SLC41A2: variants seen among roughly 807,000 people sequenced by gnomAD.
SLC41A2 encodes the protein solute carrier family 41 member 2.
Under a neutral mutation model 58.3 loss-of-function variants are expected in SLC41A2, and 32 were observed. That is an observed-to-expected ratio of 0.55 (90% CI 0.41 to 0.74). SLC41A2 has a LOEUF of 0.74. Ranked by LOEUF, SLC41A2 falls within the 30% of genes least tolerant of loss-of-function variation. SLC41A2 has a pLI of 0.00. For synonymous variants in SLC41A2, 190 were observed against 235.0 expected (o/e 0.81, Z 1.75); for missense variants, 514 against 680.6 (o/e 0.76, Z 2.72).
intron 10 of SLC41A2, among the ~76,000 whole-genome samples, chr12:104,842,255 G>A (rs1481961101): frequency 6.6e-6 from 1 of 152,024 alleles, no homozygotes; most frequent in Admixed American, 6.6e-5. Flanking sequence ...GTGTATGCTA[G>A]TGTCAGAACA....
At chr12:104,848,619 T>C (rs1565838023) in intron 8 of SLC41A2, among the ~76,000 whole-genome samples, 1 of 152,052 alleles carries the variant, frequency 6.6e-6, no homozygotes, top group South Asian at 2.1e-4. Context: ...AAGGATAATA[T>C]AGGAATATCA....
chr12:104,927,933 C>A (rs1369164342), intron 2 of SLC41A2, 40 bp downstream of exon 2: 9 of 1,500,060 alleles, frequency 6.0e-6, no homozygotes, highest in Non-Finnish European at 8.0e-6. Flanking sequence ...AATGGAATAA[C>A]AAAAAAAGAC....
At chr12:104,893,504 G>A (rs1161803610) in intron 4 of SLC41A2, among the ~76,000 whole-genome samples, 2 of 152,182 alleles carry the variant, frequency 1.3e-5, no homozygotes, top group East Asian at 1.9e-4. Context: ...CTACTGCTGA[G>A]TATATAATCC....
intron 10 of SLC41A2, 33 bp downstream of exon 10, chr12:104,844,439 A>G: frequency 7.4e-7 from 1 of 1,352,432 alleles, no homozygotes; most frequent in Non-Finnish European, 9.7e-7. Context: ...CAGTCTCAGC[A>G]TAAAAGAGAT....
chr12:104,903,296 C>A (rs931722962), intron 3 of SLC41A2, among the ~76,000 whole-genome samples: 3 of 152,206 alleles, frequency 2.0e-5, no homozygotes, highest in African/African-American at 7.2e-5. Context: ...CACATTAACT[C>A]CTCTGTTTAA....
chr12:104,940,518 AAT>A (rs1472665581), intron 1 of SLC41A2, among the ~76,000 whole-genome samples: 1 of 106,644 alleles, frequency 9.4e-6, no homozygotes. Context: ...AAAATAAAAA[AAT>A]AAAATATAAG....
At chr12:104,863,893 A>G (rs779722583) in intron 7 of SLC41A2, among the ~76,000 whole-genome samples, 1 of 151,198 alleles carries the variant, frequency 6.6e-6, no homozygotes, top group Admixed American at 6.6e-5. Flanking sequence ...TACTAATTCA[A>G]CCTCACATGT....
chr12:104,955,904 G>A (rs1376486496), intron 1 of SLC41A2, among the ~76,000 whole-genome samples: 1 of 152,092 alleles, frequency 6.6e-6, no homozygotes, highest in African/African-American at 2.4e-5. Context: ...ACCCACACAT[G>A]AACATAATTG....
At chr12:104,955,978 CAT>C (rs1351156275) in intron 1 of SLC41A2, among the ~76,000 whole-genome samples, 5 of 152,174 alleles carry the variant, frequency 3.3e-5, no homozygotes, top group African/African-American at 4.8e-5. Flanking sequence ...AGAAGTTAAA[CAT>C]AAATTTTTGA....
intron 2 of SLC41A2, among the ~76,000 whole-genome samples, chr12:104,918,018 G>C (rs2046409819): frequency 6.8e-6 from 1 of 147,454 alleles, no homozygotes. Flanking sequence ...TATATAAAAA[G>C]AAAATAAACC....
At position 104,866,375 on chromosome 12, in the gene SLC41A2, CA is replaced by C; in HGVS notation, c.1175+56del. The C allele has an allele frequency of 4.9e-6, 7 of 1,429,902 alleles. No individual in the cohort carries two copies. The South Asian group carries it at 6.4e-5, about 13-fold the overall frequency. The allele number at this position is 1,429,902 out of a possible 1,614,324, so 88.6% of individuals were successfully genotyped here. A position where few individuals can be genotyped will look rare whatever the true frequency, so the allele number is the denominator to read the frequency against. On this transcript the variant is annotated intron_variant, in intron 7 of 10. Transcript: ENST00000258538. ...CTTATAGAAGACACACAAAGACAGA[CA>C]GACGTACACACACACACACACACAC...
At chr12:104,897,021 T>G (rs769150821) in intron 3 of SLC41A2, among the ~76,000 whole-genome samples, 6 of 152,126 alleles carry the variant, frequency 3.9e-5, no homozygotes, top group Non-Finnish European at 8.8e-5. Flanking sequence ...CCACAGATCG[T>G]CATTTCTCCA....
At chr12:104,929,294 T>C (rs998552172) in intron 1 of SLC41A2, among the ~76,000 whole-genome samples, 10 of 152,200 alleles carry the variant, frequency 6.6e-5, no homozygotes, top group African/African-American at 2.4e-4. Context: ...TTTGTAGTTC[T>C]GAGATATAAA....
chr12:104,887,043 T>G (rs1353903820), intron 5 of SLC41A2, among the ~76,000 whole-genome samples: 1 of 151,988 alleles, frequency 6.6e-6, no homozygotes, highest in African/African-American at 2.4e-5. Context: ...TACGAGAGAA[T>G]AGAAGATGAA....
chr12:104,810,619 A>G (rs182860750), intron 10 of SLC41A2, among the ~76,000 whole-genome samples: 91 of 152,248 alleles, frequency 6.0e-4, no homozygotes, highest in Non-Finnish European at 1.1e-3. Context: ...TTGGAACGCA[A>G]CTCAACCCAT....
At chr12:104,830,925 A>C (rs1280266057) in intron 10 of SLC41A2, among the ~76,000 whole-genome samples, 4 of 152,174 alleles carry the variant, frequency 2.6e-5, no homozygotes, top group African/African-American at 7.2e-5. Context: ...ACATAATCAT[A>C]CAATATGTAG....
At chr12:104,841,596 T>G (rs897267996) in intron 10 of SLC41A2, among the ~76,000 whole-genome samples, 5 of 152,184 alleles carry the variant, frequency 3.3e-5, no homozygotes, top group Admixed American at 6.5e-5. Flanking sequence ...CACAGGGTAC[T>G]TTGGGAAATA....
chr12:104,919,875 A>G (rs994526971), intron 2 of SLC41A2, among the ~76,000 whole-genome samples: 2 of 152,166 alleles, frequency 1.3e-5, no homozygotes, highest in Non-Finnish European at 2.9e-5. Flanking sequence ...TTTGGTGTCA[A>G]GTGTAAGAAC....
intron 1 of SLC41A2, among the ~76,000 whole-genome samples, chr12:104,954,811 T>C (rs1704038640): frequency 6.6e-6 from 1 of 152,130 alleles, no homozygotes; most frequent in Non-Finnish European, 1.5e-5. Flanking sequence ...TTATTTCCAT[T>C]TGGAAACCTT....
Sources: gnomAD v4.1 joint callset for allele counts (sites outside exome capture counted in the v4.1 genomes callset) on GRCh38, gnomAD v4.1.1 for gene constraint, MANE v1.5 for transcripts, NCBI Gene and HGNC (gene_info 2026-07-23, HGNC 2026-07-21) for gene names.